SDK1: variants seen among roughly 807,000 people sequenced by gnomAD.
The protein encoded by SDK1 is protein sidekick-1.
Under a neutral mutation model 245.5 loss-of-function variants are expected in SDK1, and 157 were observed. The observed-to-expected ratio is 0.64, with a 90% CI of 0.56 to 0.73. SDK1 has a LOEUF of 0.73. Ranked by LOEUF, SDK1 falls within the 30% of genes least tolerant of loss-of-function variation. The pLI is 0.00. For missense variants in SDK1, 3,583 were observed against 3,002.3 expected, an observed-to-expected ratio of 1.19 and a Z score of -4.52; for synonymous variants, 1,647 against 1,278.5, an observed-to-expected ratio of 1.29 and a Z score of -6.15.
At chr7:3,527,063 A>G (rs1783163529) in intron 1 of SDK1, among the ~76,000 whole-genome samples, 1 of 152,152 alleles carries the variant, frequency 6.6e-6, no homozygotes, top group Non-Finnish European at 1.5e-5. Context: ...TGATAGTGCT[A>G]GTGGTCACCA....
At chr7:4,151,872 T>C (rs1198099332) in intron 30 of SDK1, among the ~76,000 whole-genome samples, 2 of 152,234 alleles carry the variant, frequency 1.3e-5, no homozygotes, top group East Asian at 3.8e-4. Flanking sequence ...GAGGTTTTTG[T>C]AGTTGTCACA....
intron 17 of SDK1, among the ~76,000 whole-genome samples, chr7:4,046,106 T>A (rs1221385578): frequency 1.3e-5 from 2 of 151,440 alleles, no homozygotes; most frequent in African/African-American, 2.4e-5. Flanking sequence ...TTTTTTTTTT[T>A]AATTTTGTAA....
intron 4 of SDK1, among the ~76,000 whole-genome samples, chr7:3,797,458 TACACACACACACACACACAC>T (rs34376723): frequency 6.8e-6 from 1 of 147,494 alleles, no homozygotes; most frequent in Non-Finnish European, 1.5e-5. Context: ...GGGGTGTGTA[TACACACACACACACACACAC>T]ACACACACAC....
chr7:3,395,021 C>T (rs1019540245), intron 1 of SDK1, among the ~76,000 whole-genome samples: 10 of 151,950 alleles, frequency 6.6e-5, no homozygotes, highest in African/African-American at 2.2e-4. Context: ...GTTAGAGCTT[C>T]CAGTGCTGTG....
chr7:3,642,863 C>G (rs555731138), intron 4 of SDK1: 1 of 152,346 alleles, frequency 6.6e-6, no homozygotes, highest in East Asian at 1.9e-4. Flanking sequence ...TCATGAAATG[C>G]TATAAGCTTA....
chr7:4,136,466 A>G (rs1194103413), intron 28 of SDK1, among the ~76,000 whole-genome samples: 1 of 152,224 alleles, frequency 6.6e-6, no homozygotes, highest in Non-Finnish European at 1.5e-5. Flanking sequence ...TGTAATCTAT[A>G]TCAAAACATG....
intron 5 of SDK1, among the ~76,000 whole-genome samples, chr7:3,827,090 G>C (rs1174188869): frequency 6.6e-6 from 1 of 152,074 alleles, no homozygotes; most frequent in Non-Finnish European, 1.5e-5. Flanking sequence ...TGATTTCACT[G>C]TTGTTAAATC....
intron 30 of SDK1, among the ~76,000 whole-genome samples, chr7:4,154,635 C>A (rs1780605754): frequency 6.6e-6 from 1 of 152,154 alleles, no homozygotes; most frequent in Non-Finnish European, 1.5e-5. Flanking sequence ...CACCCGACTC[C>A]ATGAGGATGC....
chr7:3,706,442 C>T (rs1055081167), intron 4 of SDK1, among the ~76,000 whole-genome samples: 5 of 152,166 alleles, frequency 3.3e-5, no homozygotes, highest in South Asian at 2.1e-4. Context: ...TGCTCTGTCA[C>T]CCAGGCTGGA....
chr7:3,565,981 A>T lies in SDK1; in HGVS notation c.299-53099A>T, dbSNP rs1779902518. Among the ~76,000 whole-genome samples, 3 of 152,224 alleles carry T rather than the reference A, an allele frequency of 2.0e-5. No homozygotes were observed. The South Asian group carries it at 6.2e-4, about 32-fold the overall frequency. ...TCTAGTAGTATCCAATTAAAAATGAATAAAAACATAAGATACGACTTACAG... is the reference window on the plus strand; with the variant it reads ...TCTAGTAGTATCCAATTAAAAATGATTAAAAACATAAGATACGACTTACAG... On this transcript the variant is annotated intron_variant, in intron 1 of 44. Coordinates refer to ENST00000404826, the MANE Select transcript of SDK1 (RefSeq NM_152744.4).
At chr7:3,953,170 G>A (rs961379620) in intron 7 of SDK1, among the ~76,000 whole-genome samples, 82 of 135,542 alleles carry the variant, frequency 6.0e-4, no homozygotes, top group African/African-American at 1.1e-3. Context: ...GCAAAATAAG[G>A]AAAAAAAAAA....
chr7:3,513,697 C>T (rs556772696), intron 1 of SDK1, among the ~76,000 whole-genome samples: 2 of 152,176 alleles, frequency 1.3e-5, no homozygotes, highest in South Asian at 2.1e-4. Flanking sequence ...GGGTCTGTTG[C>T]GTGATCCTGA....
chr7:3,463,531 A>G (rs1780897438), intron 1 of SDK1, among the ~76,000 whole-genome samples: 1 of 121,530 alleles, frequency 8.2e-6, no homozygotes, highest in South Asian at 2.4e-4. Flanking sequence ...ATTGAATGAA[A>G]AGTGCATAAT....
chr7:3,353,502 G>A (rs1007750773), intron 1 of SDK1, among the ~76,000 whole-genome samples: 1 of 152,138 alleles, frequency 6.6e-6, no homozygotes, highest in Non-Finnish European at 1.5e-5. Flanking sequence ...AATAGCATAT[G>A]TTCTCTGTTT....
intron 32 of SDK1, among the ~76,000 whole-genome samples, chr7:4,165,209 AT>A (rs1781429614): frequency 6.6e-6 from 1 of 152,088 alleles, no homozygotes; most frequent in Admixed American, 6.6e-5. Flanking sequence ...AAATACAAAA[AT>A]TAGCCGGGCG....
chr7:3,962,160 C>A (rs1781749104), intron 8 of SDK1, among the ~76,000 whole-genome samples: 1 of 152,210 alleles, frequency 6.6e-6, no homozygotes, highest in South Asian at 2.1e-4. Context: ...CACTAACCTG[C>A]ATGTGAGGAA....
At position 4,074,815 on chromosome 7, in the gene SDK1, A is replaced by T. The variant is rs542668634; in HGVS notation, c.3011-2183A>T. ...TGGTTCAAGGTTGCAGTGAGCCGTGATCACCCCACTGCACTCCAGCCTGGG... is the reference window on the plus strand; with the variant it reads ...TGGTTCAAGGTTGCAGTGAGCCGTGTTCACCCCACTGCACTCCAGCCTGGG... On this transcript the variant is annotated intron_variant, in intron 20 of 44. Coordinates refer to ENST00000404826, the MANE Select transcript of SDK1 (RefSeq NM_152744.4). Among the ~76,000 whole-genome samples, 22 of 138,774 alleles carry T rather than the reference A, an allele frequency of 1.6e-4. No individual in the cohort carries two copies. The East Asian group carries it at 4.7e-3, about 30-fold the overall frequency. The allele number at this position is 138,774 out of a possible 152,430, so 91.0% of individuals were successfully genotyped here.
At position 4,208,209 on chromosome 7, in the gene SDK1, G is replaced by C. The variant is rs771004791; in HGVS notation, c.5325G>C (p.Leu1775=). Residue 1775 remains leucine, a synonymous_variant, in exon 37 of 45, where the codon CTG becomes CTC. Transcript: ENST00000404826. ...ACCTGACCAGCCATACCAAGTACCT[G>C]GTCAGCATATCAGCCTTCAACGCCG... ...LKNLTSHTKY[L]VSISAFNAAG... is the part of the protein sequence containing the mutation. 3.1e-6 allele frequency: 5 copies of C among 1,613,986 alleles called. No homozygotes were observed. The African/African-American group carries it at 4.0e-5, about 13-fold the overall frequency.
intron 5 of SDK1, among the ~76,000 whole-genome samples, chr7:3,919,095 T>C (rs1397999362): frequency 6.6e-6 from 1 of 152,236 alleles, no homozygotes; most frequent in African/African-American, 2.4e-5. Context: ...TATTATTAAC[T>C]ATATTCCATC....
Sources: gnomAD v4.1 joint callset for allele counts (sites outside exome capture counted in the v4.1 genomes callset) on GRCh38, gnomAD v4.1.1 for gene constraint, MANE v1.5 for transcripts, NCBI Gene and HGNC (gene_info 2026-07-23, HGNC 2026-07-21) for gene names.